SPEG: variants seen among roughly 807,000 people sequenced by gnomAD.
SPEG encodes the protein striated muscle preferentially expressed protein kinase.
SPEG carries 114 observed loss-of-function variants against 300.4 expected under a neutral mutation model. That is an observed-to-expected ratio of 0.38 (90% CI 0.33 to 0.44). SPEG has a LOEUF of 0.44. Among genes scored for constraint, SPEG ranks in the 20% least tolerant of loss-of-function variants. The pLI is 1.00. For missense variants in SPEG, 4,201 were observed against 4,586.2 expected (o/e 0.92, Z 2.43); for synonymous variants, 1,964 against 2,018.9 (o/e 0.97, Z 0.73).
Position 219,467,254 on chromosome 2 carries a change from G to T in SPEG, c.2962G>T (p.Glu988Ter). ...GGGGGCCGGGGAGATGGCGCTGTTTGAGTGCCTGGTGGCGGGGCCCACTGA... is the reference window on the plus strand; with the variant it reads ...GGGGGCCGGGGAGATGGCGCTGTTTTAGTGCCTGGTGGCGGGGCCCACTGA... ...DVGAGEMALF[E>*]CLVAGPTDVE... The change falls in exon 10 of 41, where the codon GAG becomes TAG. Residue 988 changes from glutamate to a stop codon, truncating the protein, a stop_gained. Coordinates refer to ENST00000312358, the MANE Select transcript of SPEG (RefSeq NM_005876.5). LOFTEE classifies it high-confidence loss of function. The T allele has an allele frequency of 6.2e-7, 1 of 1,607,966 alleles. No homozygotes were observed.
At chr2:219,450,517 A>T (rs1322660615) in intron 4 of SPEG, among the ~76,000 whole-genome samples, 1 of 152,208 alleles carries the variant, frequency 6.6e-6, no homozygotes, top group Non-Finnish European at 1.5e-5. Flanking sequence ...GTAAGCAGGG[A>T]CCACTGGTCC....
chr2:219,468,962 G>C lies in SPEG; in HGVS notation c.3405G>C (p.Ala1135=), dbSNP rs535424158. The change falls in exon 12 of 41, where the codon GCG becomes GCC. Residue 1135 remains alanine, a synonymous_variant. Coordinates refer to ENST00000312358, the MANE Select transcript of SPEG (RefSeq NM_005876.5). The part of the protein sequence containing the change: ...HVGSEDEGLY[A]VSAVNTHGQA... ...GCAGCGAGGACGAGGGGCTCTATGC[G>C]GTCAGTGCTGTTAACACCCATGGCC... is the stretch of plus-strand genomic sequence containing the variant. 20 of 1,613,950 alleles carry C rather than the reference G, an allele frequency of 1.2e-5. No homozygotes were observed. In the East Asian group the frequency reaches 1.6e-4, roughly 13 times the overall value.
At position 219,484,364 on chromosome 2, in the gene SPEG, C is replaced by G. The variant is rs1482921610; in HGVS notation, c.6901C>G (p.Pro2301Ala). 1 of 1,607,326 alleles carries G rather than the reference C, an allele frequency of 6.2e-7. No individual in the cohort carries two copies. The highest frequency in any genetic ancestry group is 1.3e-5 in the African/African-American group (1 of 74,912). The change falls in exon 30 of 41, where the codon CCG (proline) becomes GCG (alanine). Residue 2301 changes from proline to alanine, a missense_variant. By Grantham distance (27) the Pro-to-Ala change is conservative (BLOSUM62 -1). Transcript: ENST00000312358. ...EKRVPSAGGP[P>A]VLAEKARVPT... is the part of the protein sequence containing the mutation. ...GCGCGTGCCCTCAGCCGGGGGTCCC[C>G]CGGTGCTAGCCGAGAAAGCCCGAGT...
Position 219,483,937 on chromosome 2 carries a change from C to T in SPEG, c.6474C>T (p.Ala2158=). The T allele has an allele frequency of 9.3e-6, 15 of 1,605,536 alleles. No homozygotes were observed. Among genetic ancestry groups the T allele is most frequent in the Non-Finnish European group, 1.3e-5 (15 of 1,179,772 alleles). ...AGATCCCCGTGGCCAGGCTTGGGGC[C>T]CGTAGGCTACAGGAGTCTCCTTCCC... ...PLEIPVARLG[A]RRLQESPSLS... Residue 2158 remains alanine (A), a synonymous_variant, in exon 30 of 41, where the codon GCC becomes GCT. Transcript: ENST00000312358.
intron 31 of SPEG, among the ~76,000 whole-genome samples, chr2:219,485,964 C>A (rs774293101): frequency 6.6e-6 from 1 of 152,178 alleles, no homozygotes; most frequent in African/African-American, 2.4e-5. Flanking sequence ...CCTCCTGCCT[C>A]CACAGTCCCC....
rs764717223 is a variant in SPEG, at chr2:219,477,989, G to A, written c.4911G>A (p.Lys1637=). The A allele has an allele frequency of 4.3e-6, 7 of 1,614,210 alleles. No individual in the cohort carries two copies. Among genetic ancestry groups the A allele is most frequent in the South Asian group, 2.2e-5 (2 of 91,086 alleles). The part of the protein sequence containing the change: ...FAAKFIPSQA[K]PKASARREAR... Reference sequence around the variant, plus strand: ...CCAAGTTCATCCCCAGCCAGGCCAAGCCAAAGGCATCAGCGCGTCGGGAGG... The same window carrying A: ...CCAAGTTCATCCCCAGCCAGGCCAAACCAAAGGCATCAGCGCGTCGGGAGG... Residue 1637 remains lysine (K), a synonymous_variant, in exon 22 of 41, where the codon AAG becomes AAA. Coordinates refer to ENST00000312358, the MANE Select transcript of SPEG (RefSeq NM_005876.5). The surrounding 1 kb of genome is among the most constrained non-coding windows in gnomAD (Gnocchi z 6.4).
intron 13 of SPEG, among the ~76,000 whole-genome samples, chr2:219,469,984 T>C (rs1691729459): frequency 6.6e-6 from 1 of 152,138 alleles, no homozygotes; most frequent in South Asian, 2.1e-4. Flanking sequence ...TGGGATACTT[T>C]CTTATGGGAG....
At chr2:219,438,489 T>A (rs1316896941) in intron 1 of SPEG, among the ~76,000 whole-genome samples, 1 of 152,210 alleles carries the variant, frequency 6.6e-6, no homozygotes, top group African/African-American at 2.4e-5. Context: ...TATCTCCAAA[T>A]CCATCTCTGG....
At chr2:219,492,514 C>A in intron 40 of SPEG, 80 bp from the exon 41 acceptor site, 1 of 1,461,794 alleles carries the variant, frequency 6.8e-7, no homozygotes, top group Admixed American at 1.7e-5. Context: ...AGGACTGGGA[C>A]ATGGGTCTGC....
chr2:219,474,595 G>T (rs967009611), intron 18 of SPEG, among the ~76,000 whole-genome samples: 1 of 152,096 alleles, frequency 6.6e-6, no homozygotes, highest in African/African-American at 2.4e-5. Flanking sequence ...GTTCAAGTGT[G>T]GCTGCCTGAC....
At position 219,449,276 on chromosome 2, in the gene SPEG, G is replaced by T. The variant is rs752841668; in HGVS notation, c.2113+5G>T. On this transcript the variant is annotated splice_donor_5th_base_variant and intron_variant, in intron 4 of 40. Coordinates refer to ENST00000312358, the MANE Select transcript of SPEG (RefSeq NM_005876.5). Reference sequence around the variant, plus strand: ...GGCCCACCTCCCCTGAGCTCGGTAAGGCCTCAGGGAGGGCTGACAAGGTGC... The same window carrying T: ...GGCCCACCTCCCCTGAGCTCGGTAATGCCTCAGGGAGGGCTGACAAGGTGC... The T allele has an allele frequency of 7.3e-7, 1 of 1,376,330 alleles. No individual in the cohort carries two copies. The highest frequency in any genetic ancestry group is 9.4e-7 in the Non-Finnish European group (1 of 1,065,130). The allele number at this position is 1,376,330 out of a possible 1,614,324, so 85.3% of individuals were successfully genotyped here. A position where few individuals can be genotyped will look rare whatever the true frequency, so the allele number is the denominator to read the frequency against.
intron 31 of SPEG, among the ~76,000 whole-genome samples, chr2:219,487,392 A>G (rs909332495): frequency 2.0e-4 from 31 of 152,250 alleles, no homozygotes; most frequent in African/African-American, 5.5e-4. Flanking sequence ...AAGAGAAGTT[A>G]GTATTTATGA....
rs769767531 is a variant in SPEG at position 219,448,020 on chromosome 2, C to G, written c.862C>G (p.Pro288Ala). ...GLRREEPDLQ[P>A]QLASEAPRRP... Reference sequence around the variant, plus strand: ...GCGCAGGGAGGAGCCCGACCTTCAGCCTCAACTGGCCAGCGAAGCCCCACG... The same window carrying G: ...GCGCAGGGAGGAGCCCGACCTTCAGGCTCAACTGGCCAGCGAAGCCCCACG... The change falls in exon 4 of 41, where the codon CCT becomes GCT. Residue 288 changes from proline to alanine, a missense_variant. By Grantham distance (27) the Pro-to-Ala change is conservative. This residue lies in a region of SPEG where 1,258 missense variants were observed against 1,293.9 expected (regional missense o/e 0.97). Transcript: ENST00000312358. 2 of 1,612,490 alleles carry G rather than the reference C, an allele frequency of 1.2e-6. No individual in the cohort carries two copies. Among genetic ancestry groups the G allele is most frequent in the South Asian group, 2.2e-5 (2 of 91,074 alleles).
At chr2:219,466,379 C>T (rs1437220135) in intron 9 of SPEG, 3 of 1,372,136 alleles carry the variant, frequency 2.2e-6, no homozygotes, top group Non-Finnish European at 2.8e-6. Context: ...GAGCACCGGG[C>T]GAGTGCATGT....
intron 1 of SPEG, chr2:219,437,402 G>T (rs965930594): frequency 1.3e-5 from 2 of 152,270 alleles, no homozygotes; most frequent in Admixed American, 1.3e-4. Context: ...GGTCAGCAGC[G>T]CTGAGCCTGG....
In SPEG at chr2:219,481,908, G is replaced by A. The variant is rs1692882713; in HGVS notation, c.5565+228G>A. ...GATGGAGTTGGGGGTATACATACTG[G>A]ACTCCAGGGCATACGTCTGGACCTC... On this transcript the variant is annotated intron_variant, in intron 28 of 40. Coordinates refer to ENST00000312358, the MANE Select transcript of SPEG (RefSeq NM_005876.5). This position sits in a 1 kb window ranked among gnomAD's most constrained non-coding sequence, Gnocchi z 5.4. Among the ~76,000 whole-genome samples the A allele has an allele frequency of 6.6e-6, 1 of 152,170 alleles. No individual in the cohort carries two copies. The highest frequency in any genetic ancestry group is 2.1e-4 in the South Asian group (1 of 4,828).
Position 219,448,886 on chromosome 2 carries a change from G to C in SPEG, c.1728G>C (p.Pro576=). ...CTGGGAGGCCCAGGAGCCGCGGGCC[G>C]GCGGGCAGGACAGAGCCGGGGGAAG... ...DEPGRPRSRG[P]AGRTEPGEGP... Residue 576 remains proline, a synonymous_variant, in exon 4 of 41, where the codon CCG becomes CCC. Transcript: ENST00000312358. 1 of 1,412,496 alleles carries C rather than the reference G, an allele frequency of 7.1e-7. No homozygotes were observed. The highest frequency in any genetic ancestry group is 9.2e-7 in the Non-Finnish European group (1 of 1,092,070). The allele number at this position is 1,412,496 out of a possible 1,614,324, so 87.5% of individuals were successfully genotyped here. A position where few individuals can be genotyped will look rare whatever the true frequency, so the allele number is the denominator to read the frequency against.
intron 8 of SPEG, among the ~76,000 whole-genome samples, chr2:219,463,376 T>C (rs1443405615): frequency 6.7e-6 from 1 of 149,304 alleles, no homozygotes; most frequent in African/African-American, 2.5e-5. Flanking sequence ...TAATTGATTG[T>C]CTGGTCCCCA....
In SPEG at chr2:219,479,907, G is replaced by A. The variant is rs1247113407; in HGVS notation, c.5163+47G>A. The A allele has an allele frequency of 1.9e-6, 3 of 1,614,002 alleles. No individual in the cohort carries two copies. Among genetic ancestry groups the A allele is most frequent in the Admixed American group, 1.7e-5 (1 of 59,996 alleles). Reference sequence around the variant, plus strand: ...AGACAGCCCCTGTGGGAGCCAGGAGGTGAAGCATCCTTCCTTGTTCATTTG... The same window carrying A: ...AGACAGCCCCTGTGGGAGCCAGGAGATGAAGCATCCTTCCTTGTTCATTTG... On this transcript the variant is annotated intron_variant, in intron 24 of 40. Transcript: ENST00000312358. The surrounding 1 kb of genome is among the most constrained non-coding windows in gnomAD (Gnocchi z 5.5).
Sources: allele counts gnomAD v4.1 joint callset (sites outside exome capture counted in the v4.1 genomes callset), GRCh38; gene constraint gnomAD v4.1.1; regional missense constraint gnomAD v4.1.1; non-coding constraint Gnocchi (gnomAD v3.1); transcripts MANE v1.5; gene names NCBI Gene and HGNC (gene_info 2026-07-23, HGNC 2026-07-21).